The following SFMBT2 variants were observed in gnomAD, a reference collection of about 807,000 sequenced individuals.
SFMBT2 encodes the protein Scm like with four mbt domains 2.
SFMBT2 carries 38 observed loss-of-function variants against 110.1 expected under a neutral mutation model. The ratio of observed to expected loss-of-function variants is 0.35; its 90% CI spans 0.27 to 0.45. SFMBT2 has a LOEUF of 0.45. SFMBT2 is among the 20% of genes least tolerant of loss of function. SFMBT2 has a pLI of 1.00. For missense variants in SFMBT2, 1,011 were observed against 1,094.9 expected, an observed-to-expected ratio of 0.92 and a Z score of 1.08; for synonymous variants, 425 against 425.4, an observed-to-expected ratio of 1.00 and a Z score of 0.01.
chr10:7,212,745 G>A (rs996984336), intron 11 of SFMBT2, among the ~76,000 whole-genome samples: 7 of 152,202 alleles, frequency 4.6e-5, no homozygotes, highest in African/African-American at 1.7e-4. Context: ...CATCCAGGAA[G>A]CATATGTGCC....
intron 16 of SFMBT2, among the ~76,000 whole-genome samples, chr10:7,177,690 C>T (rs758267624): frequency 6.6e-6 from 1 of 151,900 alleles, no homozygotes; most frequent in Non-Finnish European, 1.5e-5. Flanking sequence ...CATAGCGAGA[C>T]CCCCATCTCT....
intron 15 of SFMBT2, chr10:7,189,118 A>T: frequency 1.0e-6 from 1 of 973,864 alleles, no homozygotes; most frequent in Non-Finnish European, 1.2e-6. Flanking sequence ...ATTTTTACAG[A>T]TTTCATAAGG....
intron 11 of SFMBT2, among the ~76,000 whole-genome samples, chr10:7,216,054 C>T (rs2692839): frequency 0.62 from 94,184 of 152,086 alleles, 29,405 homozygotes; most frequent in East Asian, 0.87. Context: ...CTATAAGTAA[C>T]ACCATGATTG....
At chr10:7,288,267 G>A (rs889699476) in intron 4 of SFMBT2, among the ~76,000 whole-genome samples, 1 of 152,088 alleles carries the variant, frequency 6.6e-6, no homozygotes, top group African/African-American at 2.4e-5. Context: ...CAACATGCAC[G>A]GAACTCAGGC....
chr10:7,402,042 G>C (rs1290705050), intron 1 of SFMBT2, among the ~76,000 whole-genome samples: 1 of 151,700 alleles, frequency 6.6e-6, no homozygotes, highest in Non-Finnish European at 1.5e-5. Context: ...GAGACGGAGA[G>C]CTCTTGCATT....
chr10:7,226,602 C>T (rs1234003533), intron 10 of SFMBT2, among the ~76,000 whole-genome samples: 1 of 152,198 alleles, frequency 6.6e-6, no homozygotes, highest in Non-Finnish European at 1.5e-5. Context: ...ATTAACTTTC[C>T]TAACTAAAAG....
chr10:7,353,220 C>T (rs1844383268), intron 4 of SFMBT2, among the ~76,000 whole-genome samples: 1 of 152,038 alleles, frequency 6.6e-6, no homozygotes, highest in Non-Finnish European at 1.5e-5. Flanking sequence ...AATAGAACCC[C>T]AATATGCACT....
chr10:7,220,961 G>C (rs961378236), intron 10 of SFMBT2, among the ~76,000 whole-genome samples: 1 of 151,840 alleles, frequency 6.6e-6, no homozygotes, highest in Non-Finnish European at 1.5e-5. Flanking sequence ...TGAGTAGCTG[G>C]GACTACAGGC....
At chr10:7,189,324 T>C (rs750444301) in intron 15 of SFMBT2, 13 of 302,468 alleles carry the variant, frequency 4.3e-5, no homozygotes, top group Non-Finnish European at 6.3e-5. Context: ...CAGTATCATA[T>C]TTCCCCCATC....
chr10:7,340,219 T>C (rs574822946), intron 4 of SFMBT2, among the ~76,000 whole-genome samples: 1 of 151,956 alleles, frequency 6.6e-6, no homozygotes, highest in Admixed American at 6.6e-5. Flanking sequence ...GAAGCGAAAA[T>C]ATATTTAGCA....
intron 4 of SFMBT2, among the ~76,000 whole-genome samples, chr10:7,317,991 G>T (rs149488961): frequency 0.013 from 2,053 of 152,304 alleles, 45 homozygotes; most frequent in African/African-American, 0.046. Context: ...GACGGTGGCT[G>T]CAAACCACAA....
chr10:7,217,142 C>T (rs938327320), intron 11 of SFMBT2, among the ~76,000 whole-genome samples: 1 of 152,042 alleles, frequency 6.6e-6, no homozygotes, highest in Non-Finnish European at 1.5e-5. Flanking sequence ...TTCATAGAGA[C>T]GGGAAGGAGA....
At chr10:7,396,493 C>A (rs532584048) in intron 1 of SFMBT2, among the ~76,000 whole-genome samples, 8 of 152,240 alleles carry the variant, frequency 5.3e-5, no homozygotes, top group African/African-American at 1.9e-4. Flanking sequence ...GTTTCTTCCC[C>A]AATATTAGGC....
chr10:7,345,269 T>C (rs1393352618), intron 4 of SFMBT2, among the ~76,000 whole-genome samples: 2 of 152,234 alleles, frequency 1.3e-5, no homozygotes, highest in Non-Finnish European at 2.9e-5. Context: ...GATGTCATGA[T>C]GTCCCTTCAA....
intron 4 of SFMBT2, 120 bp from the exon 5 acceptor site, chr10:7,286,074 T>C: frequency 3.1e-6 from 2 of 652,556 alleles, no homozygotes; most frequent in South Asian, 1.8e-5. Flanking sequence ...TTGATTTCAA[T>C]GTTTTTCTTA....
chr10:7,176,747 T>C (rs938201291), intron 16 of SFMBT2: 1 of 152,328 alleles, frequency 6.6e-6, no homozygotes, highest in African/African-American at 2.4e-5. Context: ...ATGGATTTTA[T>C]AAGGGGAAAA....
At chr10:7,228,727 CTTTCTTTCCTTT>C (rs1433367306) in intron 9 of SFMBT2, among the ~76,000 whole-genome samples, 25 of 91,898 alleles carry the variant, frequency 2.7e-4, no homozygotes, top group African/African-American at 1.3e-3. Context: ...TTCTTTCTTT[CTTTCTTTCCTTT>C]CTCTCTCTCT....
intron 11 of SFMBT2, chr10:7,215,799 C>T (rs1285150738): frequency 2.2e-6 from 2 of 891,180 alleles, no homozygotes; most frequent in East Asian, 2.4e-4. Context: ...TGAGGGTCTA[C>T]TAGGGATGGC....
chr10:7,258,677 AAAAACCATCC>A lies in SFMBT2; in HGVS notation c.871-10038_871-10029del, dbSNP rs1476011019. Among the ~76,000 whole-genome samples the A allele has an allele frequency of 2.0e-5, 3 of 152,332 alleles. No homozygotes were observed. In the East Asian group the frequency reaches 5.8e-4, roughly 29 times the overall value. ...GTATCAGCATGCCAGGTCCCGCTGA[AAAAACCATCC>A]AGAACCATTTATGATATCATTCTTC... On this transcript the variant is annotated intron_variant, in intron 7 of 20. Transcript: ENST00000397167.
Sources: gnomAD v4.1 joint callset for allele counts (sites outside exome capture counted in the v4.1 genomes callset) on GRCh38, gnomAD v4.1.1 for gene constraint, MANE v1.5 for transcripts, NCBI Gene and HGNC (gene_info 2026-07-23, HGNC 2026-07-21) for gene names.